AARSD1: variants seen among roughly 807,000 people sequenced by gnomAD.
AARSD1 encodes the protein alanyl-tRNA synthetase domain containing 1, also known as alanyl-tRNA editing protein Aarsd1.
A neutral mutation model predicts 48.7 loss-of-function variants in AARSD1; 44 were observed. The observed-to-expected ratio is 0.90, with a 90% CI of 0.71 to 1.16. The LOEUF (loss-of-function observed/expected upper bound fraction) is 1.16, where lower values mean the gene tolerates loss of function less well. Ranked by LOEUF, AARSD1 falls within the 50% of genes most tolerant of loss-of-function variation. The pLI is 0.00. For synonymous variants in AARSD1, 189 were observed against 194.9 expected, an observed-to-expected ratio of 0.97 and a Z score of 0.25; for missense variants, 511 against 523.1, an observed-to-expected ratio of 0.98 and a Z score of 0.23.
At chr17:42,960,061 G>A (rs905571885) in intron 3 of AARSD1, among the ~76,000 whole-genome samples, 1 of 151,884 alleles carries the variant, frequency 6.6e-6, no homozygotes, top group South Asian at 2.1e-4. Flanking sequence ...ACGAGGTCTG[G>A]AGTTCGAGAC....
At chr17:42,951,765 C>T (rs1228819088) in intron 11 of AARSD1, 35 bp downstream of exon 11, 1 of 1,603,904 alleles carries the variant, frequency 6.2e-7, no homozygotes, top group East Asian at 2.2e-5. Context: ...GATACAGGCT[C>T]TACTACATGT....
At position 42,957,124 on chromosome 17, in the gene AARSD1, T is replaced by C. The variant is rs1459701130; in HGVS notation, c.389+14A>G. ...ATGGGCCTGCCTACAGTTAGTCTTATGCCTCCCACTCACCATGATGTTGTC... is the reference window on the plus strand; with the variant it reads ...ATGGGCCTGCCTACAGTTAGTCTTACGCCTCCCACTCACCATGATGTTGTC... On this transcript the variant is annotated intron_variant, in intron 4 of 11. Transcript: ENST00000427569. The C allele has an allele frequency of 1.2e-6, 2 of 1,613,258 alleles. No individual in the cohort carries two copies. Among genetic ancestry groups the C allele is most frequent in the African/African-American group, 1.3e-5 (1 of 74,932 alleles).
chr17:42,953,696 G>T (rs759396729), intron 10 of AARSD1, 28 bp downstream of exon 10: 2 of 1,614,024 alleles, frequency 1.2e-6, no homozygotes, highest in Admixed American at 3.3e-5. Context: ...TATCCAGGCC[G>T]GGGTAGAGAA....
intron 2 of AARSD1, among the ~76,000 whole-genome samples, 188 bp from the exon 3 acceptor site, chr17:42,961,539 T>C (rs1361509333): frequency 6.6e-6 from 1 of 152,204 alleles, no homozygotes; most frequent in Admixed American, 6.5e-5. Flanking sequence ...TCTAAACACC[T>C]ATGTGTTGTG....
chr17:42,957,376 TATG>T lies in AARSD1; in HGVS notation c.332-184_332-182del, dbSNP rs2049572847. Reference sequence around the variant, plus strand: ...ACAATGAGAATTCTGCAAGAGGCCTTATGATACCATTTCACAGATGAGGAAACT... The same window carrying T: ...ACAATGAGAATTCTGCAAGAGGCCTTATACCATTTCACAGATGAGGAAACT... On this transcript the variant is annotated intron_variant, in intron 3 of 11. Coordinates refer to ENST00000427569, the MANE Select transcript of AARSD1 (RefSeq NM_001261434.2). 6.5e-6 allele frequency: 4 copies of T among 614,010 alleles called. No homozygotes were observed. The East Asian group carries it at 1.2e-4, about 19-fold the overall frequency. 38.0% of individuals were successfully genotyped at this position (614,010 alleles called of 1,614,324 possible). A position where few individuals can be genotyped will look rare whatever the true frequency, so the allele number is the denominator to read the frequency against.
chr17:42,956,470 T>C lies in AARSD1; in HGVS notation c.480A>G (p.Glu160=). 1.2e-6 allele frequency: 2 copies of C among 1,614,084 alleles called. No homozygotes were observed. Among genetic ancestry groups the C allele is most frequent in the Non-Finnish European group, 1.7e-6 (2 of 1,180,020 alleles). ...QVAAIEQSVN[E]KIRDRLPVNV... Reference sequence around the variant, plus strand: ...TCACAGGCAGCCGATCTCTGATTTTTTCATTGACGCTCTGCTCAATGGCAG... The same window carrying C: ...TCACAGGCAGCCGATCTCTGATTTTCTCATTGACGCTCTGCTCAATGGCAG... The change falls in exon 5 of 12, where the codon GAA becomes GAG. Residue 160 remains glutamate, a synonymous_variant. Transcript: ENST00000427569.
chr17:42,961,420 C>T, intron 2 of AARSD1, 69 bp from the exon 3 acceptor site: 2 of 1,600,674 alleles, frequency 1.2e-6, no homozygotes, highest in Admixed American at 3.5e-5. Flanking sequence ...TACAAAGACC[C>T]TCTAGGGTGA....
At chr17:42,953,128 T>C (rs1173545201) in intron 10 of AARSD1, among the ~76,000 whole-genome samples, 2 of 151,950 alleles carry the variant, frequency 1.3e-5, no homozygotes, top group African/African-American at 2.4e-5. Flanking sequence ...TACAGGCGCA[T>C]GCCACCACGC....
intron 10 of AARSD1, among the ~76,000 whole-genome samples, chr17:42,953,518 C>G (rs998688634): frequency 7.9e-5 from 12 of 152,174 alleles, no homozygotes; most frequent in Non-Finnish European, 1.6e-4. Context: ...ATCACAGCCC[C>G]AGAGAGAGCA....
intron 10 of AARSD1, 111 bp downstream of exon 10, chr17:42,953,613 C>G: frequency 7.2e-7 from 1 of 1,387,908 alleles, no homozygotes; most frequent in Non-Finnish European, 1.0e-6. Flanking sequence ...ATGGCTATTT[C>G]CTCCTCCTCA....
chr17:42,960,691 C>T (rs989933788), intron 3 of AARSD1, among the ~76,000 whole-genome samples: 1 of 148,968 alleles, frequency 6.7e-6, no homozygotes, highest in African/African-American at 2.5e-5. Flanking sequence ...CATTGCACTC[C>T]AGCCTGGGTG....
chr17:42,953,696 G>A (rs759396729), intron 10 of AARSD1, 28 bp downstream of exon 10: 27 of 1,613,906 alleles, frequency 1.7e-5, no homozygotes, highest in Admixed American at 1.3e-4. Context: ...TATCCAGGCC[G>A]GGGTAGAGAA....
chr17:42,956,861 G>A (rs575350579), intron 4 of AARSD1, among the ~76,000 whole-genome samples: 1 of 147,394 alleles, frequency 6.8e-6, no homozygotes, highest in African/African-American at 2.5e-5. Context: ...TAGAGACGGG[G>A]TTTCACCGTG....
chr17:42,953,002 C>T (rs988621210), intron 10 of AARSD1, among the ~76,000 whole-genome samples: 1 of 151,988 alleles, frequency 6.6e-6, no homozygotes, highest in African/African-American at 2.4e-5. Context: ...TGTTTTGAGA[C>T]AGAATCTCAC....
At chr17:42,957,476 CTTTTTTTTTTTTTTT>C (rs1165420812) in intron 3 of AARSD1, 4 of 82,954 alleles carry the variant, frequency 4.8e-5, no homozygotes, top group Non-Finnish European at 8.6e-5. Context: ...ACTTAACTTC[CTTTTTTTTTTTTTTT>C]TTTTTTTTTT....
In AARSD1 at chr17:42,961,308, ACTC is replaced by A; in HGVS notation, c.212_214del (p.Arg71_Val72delinsMet). On this transcript the variant is annotated inframe_deletion, in exon 3 of 12. Transcript: ENST00000427569. ...ATCAGCCTGTTCCCCACGGCGAGTC[ACTC>A]TCAGCACAGAGATGTCATTGATTGT... The A allele has an allele frequency of 6.2e-7, 1 of 1,614,118 alleles. No individual in the cohort carries two copies. Among genetic ancestry groups the A allele is most frequent in the Non-Finnish European group, 8.5e-7 (1 of 1,180,024 alleles).
rs762318082 is a variant in AARSD1 at position 42,955,242 on chromosome 17, G to A, written c.795-18C>T. The A allele has an allele frequency of 2.5e-6, 4 of 1,613,442 alleles. No homozygotes were observed. In the South Asian group the frequency reaches 4.4e-5, roughly 18 times the overall value. On this transcript the variant is annotated intron_variant, in intron 7 of 11. Coordinates refer to ENST00000427569, the MANE Select transcript of AARSD1 (RefSeq NM_001261434.2). ...CTCCACACCTGAAAGAGAAAGGTCAGAGGAGACCTGCGCAGCTTCCCAGTC... is the reference window on the plus strand; with the variant it reads ...CTCCACACCTGAAAGAGAAAGGTCAAAGGAGACCTGCGCAGCTTCCCAGTC...
intron 9 of AARSD1, among the ~76,000 whole-genome samples, chr17:42,954,404 C>A (rs2049519214): frequency 6.6e-6 from 1 of 151,418 alleles, no homozygotes; most frequent in Non-Finnish European, 1.5e-5. Context: ...TAATATCAAA[C>A]CCAGGAGGCC....
In AARSD1 at chr17:42,955,855, T is replaced by TC. The variant is rs762584114; in HGVS notation, c.780dup (p.Thr261AspfsTer5). On this transcript the variant is annotated frameshift_variant, in exon 7 of 12. Transcript: ENST00000427569. LOFTEE classifies it high-confidence loss of function. ...AAACAGGCATACTTAAGCAGAGCAGTCAGTGCTTTTTCAGTTCCATGACTT... is the reference window on the plus strand; with the variant it reads ...AAACAGGCATACTTAAGCAGAGCAGTCCAGTGCTTTTTCAGTTCCATGACTT... 6 of 1,614,096 alleles carry TC rather than the reference T, an allele frequency of 3.7e-6. No homozygotes were observed. In the Admixed American group the frequency reaches 1.0e-4, roughly 27 times the overall value.
Sources: allele counts gnomAD v4.1 joint callset (sites outside exome capture counted in the v4.1 genomes callset), GRCh38; gene constraint gnomAD v4.1.1; transcripts MANE v1.5; gene names NCBI Gene and HGNC (gene_info 2026-07-23, HGNC 2026-07-21).